CEACAM20: variants seen among roughly 807,000 people sequenced by gnomAD.
CEACAM20 encodes the protein CEA cell adhesion molecule 20, also known as cell adhesion molecule CEACAM20.
In CEACAM20, 50 loss-of-function variants were observed where a neutral mutation model predicts 61.2. That is an observed-to-expected ratio of 0.82 (90% CI 0.65 to 1.03). The LOEUF is 1.03. Ranked by LOEUF, CEACAM20 falls within the 50% of genes least tolerant of loss-of-function variation. CEACAM20 has a pLI of 0.00. For missense variants in CEACAM20, 683 were observed against 736.4 expected (o/e 0.93, Z 0.84); for synonymous variants, 282 against 287.7 (o/e 0.98, Z 0.20).
intron 1 of CEACAM20, 102 bp downstream of exon 1, chr19:44,529,356 A>ACG (rs1445479378): frequency 7.4e-4 from 12 of 16,246 alleles, no homozygotes; most frequent in East Asian, 6.1e-3. Context: ...CCTCGAGTGC[A>ACG]CACACACACA....
chr19:44,521,056 T>G (rs751933281), intron 4 of CEACAM20, among the ~76,000 whole-genome samples: 1 of 151,520 alleles, frequency 6.6e-6, no homozygotes, highest in African/African-American at 2.4e-5. Flanking sequence ...ATATGAAGTA[T>G]GTGTGTGGTA....
intron 4 of CEACAM20, 92 bp from the exon 5 acceptor site, chr19:44,520,844 GC>G: frequency 9.0e-7 from 1 of 1,114,178 alleles, no homozygotes; most frequent in African/African-American, 2.9e-5. Flanking sequence ...AGGAGTGCGT[GC>G]GTGTGTGTGT....
intron 3 of CEACAM20, 82 bp downstream of exon 3, chr19:44,523,904 G>A (rs1194414012): frequency 2.2e-6 from 3 of 1,391,906 alleles, no homozygotes; most frequent in Non-Finnish European, 2.9e-6. Context: ...GCATCTGGAT[G>A]GTATTTCAAG....
At chr19:44,515,446 T>C (rs1235382) in intron 6 of CEACAM20, among the ~76,000 whole-genome samples, 28,824 of 152,000 alleles carry the variant, frequency 0.19, 2,867 homozygotes, top group East Asian at 0.31. Context: ...AATTTGGAAG[T>C]TGATATAAAT....
chr19:44,527,960 G>C (rs1457805192), intron 1 of CEACAM20, among the ~76,000 whole-genome samples: 4 of 152,046 alleles, frequency 2.6e-5, no homozygotes, highest in Non-Finnish European at 5.9e-5. Flanking sequence ...CTCAGGGCTG[G>C]CACAGCCTCC....
chr19:44,514,695 G>A (rs1971103500), intron 6 of CEACAM20, among the ~76,000 whole-genome samples: 1 of 152,028 alleles, frequency 6.6e-6, no homozygotes, highest in East Asian at 1.9e-4. Context: ...CTGACCTCAG[G>A]TGATCCACCC....
intron 11 of CEACAM20, among the ~76,000 whole-genome samples, chr19:44,509,363 A>AG (rs555044948): frequency 1.9e-5 from 1 of 53,046 alleles, no homozygotes; most frequent in African/African-American, 5.0e-5. Context: ...AACGAAATTA[A>AG]AAAAAAAACA....
chr19:44,511,994 G>A, intron 9 of CEACAM20, 23 bp downstream of exon 9: 1 of 1,599,238 alleles, frequency 6.3e-7, no homozygotes, highest in Non-Finnish European at 8.5e-7. Context: ...ATCAAGGAGG[G>A]TTCCCTCTGC....
chr19:44,512,204 T>G, intron 8 of CEACAM20, 126 bp from the exon 9 acceptor site: 1 of 727,740 alleles, frequency 1.4e-6, no homozygotes, highest in Non-Finnish European at 2.4e-6. Flanking sequence ...CCCTGTCATA[T>G]TTCCAGTGAG....
At chr19:44,514,879 G>A (rs1040366937) in intron 6 of CEACAM20, among the ~76,000 whole-genome samples, 2 of 151,834 alleles carry the variant, frequency 1.3e-5, no homozygotes, top group African/African-American at 2.4e-5. Flanking sequence ...GCAGTGGCAC[G>A]ATCTTGGCTC....
chr19:44,514,228 A>C (rs1048508610), intron 6 of CEACAM20, among the ~76,000 whole-genome samples: 2 of 152,216 alleles, frequency 1.3e-5, no homozygotes, highest in Non-Finnish European at 2.9e-5. Flanking sequence ...AACACCTGGC[A>C]CATACTAGGT....
In CEACAM20 at chr19:44,525,412, CTTGT is replaced by C. The variant is rs1206805631; in HGVS notation, c.53-172_53-169del. Among the ~76,000 whole-genome samples, 4 of 151,812 alleles carry C rather than the reference CTTGT, an allele frequency of 2.6e-5. No homozygotes were observed. The East Asian group carries it at 5.8e-4, about 22-fold the overall frequency. ...AGCTATGTGACCTGCAGCATGTTTT[CTTGT>C]TTGTTTGGTTTTTGTTTGTGTATGT... On this transcript the variant is annotated intron_variant, in intron 1 of 11. Coordinates refer to ENST00000614924, the MANE Select transcript of CEACAM20 (RefSeq NM_001102597.3).
intron 1 of CEACAM20, among the ~76,000 whole-genome samples, chr19:44,528,170 CCTTT>C (rs1352597975): frequency 3.2e-5 from 3 of 94,568 alleles, no homozygotes; most frequent in East Asian, 6.0e-4. Flanking sequence ...TTCTTTCTTT[CCTTT>C]CTTTCTTTCC....
At position 44,506,202 on chromosome 19, in the gene CEACAM20, G is replaced by T; in HGVS notation, c.1750C>A (p.Pro584Thr). The change falls in exon 12 of 12, where the codon CCA becomes ACA. Residue 584 changes from proline (P) to threonine (T), a missense_variant. Coordinates refer to ENST00000614924, the MANE Select transcript of CEACAM20 (RefSeq NM_001102597.3). ...ATTTGGATGTAAGTGTTGGGCTCTG[G>T]ATTCACAAGCTCCTGTTAAACAAAG... ...MESIYEELVN[P>T]EPNTYIQINP... is the part of the protein sequence containing the mutation. 1 of 1,613,758 alleles carries T rather than the reference G, an allele frequency of 6.2e-7. No individual in the cohort carries two copies. Among genetic ancestry groups the T allele is most frequent in the South Asian group, 1.1e-5 (1 of 91,040 alleles).
chr19:44,507,385 C>A (rs749344203), intron 11 of CEACAM20, among the ~76,000 whole-genome samples: 20 of 152,198 alleles, frequency 1.3e-4, no homozygotes, highest in Non-Finnish European at 2.8e-4. Context: ...TGGCCTGAAT[C>A]AATCTGATTC....
At position 44,522,451 on chromosome 19, in the gene CEACAM20, C is replaced by G. The variant is rs1264795900; in HGVS notation, c.751+183G>C. ...CAAGATCCCTTCAAAAATCTGATGA[C>G]AATCCTAGATCCTTCCTCTAGAACA... On this transcript the variant is annotated intron_variant, in intron 4 of 11. Transcript: ENST00000614924. Among the ~76,000 whole-genome samples, 3 of 152,100 alleles carry G rather than the reference C, an allele frequency of 2.0e-5. No individual in the cohort carries two copies. The East Asian group carries it at 5.8e-4, about 29-fold the overall frequency.
At chr19:44,512,155 T>A (rs1971022426) in intron 8 of CEACAM20, 77 bp from the exon 9 acceptor site, 6 of 1,094,634 alleles carry the variant, frequency 5.5e-6, no homozygotes, top group African/African-American at 1.5e-5. Flanking sequence ...CCAGGACCCC[T>A]GACCCCAGGA....
chr19:44,525,055 C>T, intron 2 of CEACAM20, 46 bp downstream of exon 2: 2 of 1,597,990 alleles, frequency 1.3e-6, no homozygotes, highest in Non-Finnish European at 8.5e-7. Context: ...GAGGGATCTC[C>T]ATGGAGGCAG....
At chr19:44,510,348 C>CCAAAAAATACAAAATA (rs1970934614) in intron 11 of CEACAM20, among the ~76,000 whole-genome samples, 1 of 151,428 alleles carries the variant, frequency 6.6e-6, no homozygotes, top group South Asian at 2.1e-4. Flanking sequence ...CCCGTCTCTA[C>CCAAAAAATACAAAATA]CAAAAAATAC....
Sources: gnomAD v4.1 joint callset for allele counts (sites outside exome capture counted in the v4.1 genomes callset) on GRCh38, gnomAD v4.1.1 for gene constraint, MANE v1.5 for transcripts, NCBI Gene and HGNC (gene_info 2026-07-23, HGNC 2026-07-21) for gene names.